Variants in RIMS4 observed in about 807,000 individuals in gnomAD.
The protein encoded by RIMS4 is regulating synaptic membrane exocytosis protein 4.
A neutral mutation model predicts 29.0 loss-of-function variants in RIMS4; 9 were observed. The ratio of observed to expected loss-of-function variants is 0.31; its 90% CI spans 0.19 to 0.54. The LOEUF (loss-of-function observed/expected upper bound fraction) is 0.54. Ranked by LOEUF, RIMS4 falls within the 20% of genes least tolerant of loss-of-function variation. RIMS4 has a pLI of 0.94. For synonymous variants in RIMS4, 130 were observed against 152.9 expected, an observed-to-expected ratio of 0.85 and a Z score of 1.10; for missense variants, 193 against 365.7, an observed-to-expected ratio of 0.53 and a Z score of 3.85.
chr20:44,802,406 T>G (rs933472611), intron 1 of RIMS4, among the ~76,000 whole-genome samples: 1 of 152,188 alleles, frequency 6.6e-6, no homozygotes, highest in Non-Finnish European at 1.5e-5. Flanking sequence ...CCTACAGTCA[T>G]ACAATTTAGA....
intron 1 of RIMS4, among the ~76,000 whole-genome samples, chr20:44,775,758 G>C (rs936047853): frequency 1.3e-5 from 2 of 152,182 alleles, no homozygotes; most frequent in African/African-American, 4.8e-5. Context: ...CCTAAGACAG[G>C]CTGGCACCCT....
intron 2 of RIMS4, 143 bp downstream of exon 2, chr20:44,771,132 G>A: frequency 2.2e-6 from 2 of 906,216 alleles, no homozygotes; most frequent in Non-Finnish European, 3.1e-6. Context: ...CCCTTCTGAA[G>A]ATGGGGGATG....
At chr20:44,768,548 C>A (rs778256413) in intron 2 of RIMS4, among the ~76,000 whole-genome samples, 6 of 152,220 alleles carry the variant, frequency 3.9e-5, no homozygotes, top group Non-Finnish European at 7.3e-5. Context: ...GACCACAGCT[C>A]AATGTCCCCA....
At chr20:44,773,240 T>C (rs948340969) in intron 1 of RIMS4, among the ~76,000 whole-genome samples, 1 of 152,100 alleles carries the variant, frequency 6.6e-6, no homozygotes, top group African/African-American at 2.4e-5. Flanking sequence ...TGGGAGAGCG[T>C]GTGTGCCCCT....
chr20:44,802,819 T>C (rs1250098974), intron 1 of RIMS4, among the ~76,000 whole-genome samples: 2 of 152,176 alleles, frequency 1.3e-5, no homozygotes, highest in African/African-American at 4.8e-5. Flanking sequence ...CCTTCTCTGA[T>C]CTTGTCTCTC....
intron 2 of RIMS4, among the ~76,000 whole-genome samples, chr20:44,761,849 T>G (rs1329854627): frequency 6.6e-6 from 1 of 152,226 alleles, no homozygotes; most frequent in Non-Finnish European, 1.5e-5. Flanking sequence ...GGTTTTTTTA[T>G]AGACAGAAAG....
intron 2 of RIMS4, among the ~76,000 whole-genome samples, chr20:44,764,255 C>CATCCATCCATCCATTTATCCATCCA (rs1325046131): frequency 6.9e-6 from 1 of 144,320 alleles, no homozygotes; most frequent in Admixed American, 7.0e-5. Context: ...TCCATCCATC[C>CATCCATCCATCCATTTATCCATCCA]TCCCACAAAC....
In RIMS4 at chr20:44,758,124, G is replaced by T. The variant is rs200539274; in HGVS notation, c.297C>A (p.Ser99Arg). The T allele has an allele frequency of 8.7e-5, 140 of 1,613,664 alleles. No individual in the cohort carries two copies. Among genetic ancestry groups the T allele is most frequent in the Non-Finnish European group, 1.1e-4 (135 of 1,179,856 alleles). Residue 99 changes from serine (S) to arginine (R), a missense_variant, in exon 3 of 6, where the codon AGC becomes AGA. Coordinates refer to ENST00000372851, the MANE Select transcript of RIMS4 (RefSeq NM_182970.4). ...SDAQFSDFLG[S>R]MGPAQFVGRQ... ...GGCCCACAAACTGTGCCGGCCCCAT[G>T]CTTCCCAGGAAGTCACTGAACTGGG...
At chr20:44,786,790 C>A (rs919593271) in intron 1 of RIMS4, among the ~76,000 whole-genome samples, 5 of 152,200 alleles carry the variant, frequency 3.3e-5, no homozygotes, top group Non-Finnish European at 7.3e-5. Flanking sequence ...AAATATTACA[C>A]AAGAGACATC....
chr20:44,801,319 T>A (rs574666783), intron 1 of RIMS4, among the ~76,000 whole-genome samples: 1 of 152,168 alleles, frequency 6.6e-6, no homozygotes, highest in East Asian at 1.9e-4. Context: ...TCTCATCACA[T>A]CAAGGTTGGT....
At position 44,810,274 on chromosome 20, in the gene RIMS4, C is replaced by A; in HGVS notation, c.-3G>T. On this transcript the variant is annotated 5_prime_UTR_variant, in exon 1 of 6. Transcript: ENST00000372851. The stretch of plus-strand genomic sequence containing the variant: ...AGGCGGCTCTGCGAGCGCTCCATGC[C>A]CGCGCCGGCGCCGGGCGCCTCGGCC... The A allele has an allele frequency of 8.4e-7, 1 of 1,189,800 alleles. No homozygotes were observed. Among genetic ancestry groups the A allele is most frequent in the South Asian group, 2.8e-5 (1 of 36,350 alleles). 73.7% of individuals were successfully genotyped at this position (1,189,800 alleles called of 1,614,324 possible). A position where few individuals can be genotyped will look rare whatever the true frequency, so the allele number is the denominator to read the frequency against.
At chr20:44,806,741 A>G (rs1461669251) in intron 1 of RIMS4, among the ~76,000 whole-genome samples, 2 of 152,180 alleles carry the variant, frequency 1.3e-5, no homozygotes. Context: ...GGTTGATTAA[A>G]AGCATAGATG....
At position 44,755,991 on chromosome 20, in the gene RIMS4, A is replaced by AG. The variant is rs1447831129; in HGVS notation, c.*142dup. On this transcript the variant is annotated 3_prime_UTR_variant, in exon 6 of 6. Transcript: ENST00000372851. ...CAAAGAAGGGGTGAGGAGGGGCCCA[A>AG]GGGGGGGCAGGTCTCCCCGTTCTGC... 10 of 679,048 alleles carry AG rather than the reference A, an allele frequency of 1.5e-5. No individual in the cohort carries two copies. Among genetic ancestry groups the AG allele is most frequent in the East Asian group, 2.6e-5 (1 of 38,826 alleles). 42.1% of individuals were successfully genotyped at this position (679,048 alleles called of 1,614,324 possible). A position where few individuals can be genotyped will look rare whatever the true frequency, so the allele number is the denominator to read the frequency against.
chr20:44,767,031 C>T (rs2066116726), intron 2 of RIMS4, among the ~76,000 whole-genome samples: 1 of 152,204 alleles, frequency 6.6e-6, no homozygotes, highest in African/African-American at 2.4e-5. Context: ...GAGAGTTCCC[C>T]ATCAGGATTG....
chr20:44,775,494 A>G (rs1240043248), intron 1 of RIMS4, among the ~76,000 whole-genome samples: 2 of 152,206 alleles, frequency 1.3e-5, no homozygotes, highest in African/African-American at 4.8e-5. Flanking sequence ...CCCCTTCATC[A>G]AAGACTAAAT....
At chr20:44,768,596 G>C (rs2066123823) in intron 2 of RIMS4, among the ~76,000 whole-genome samples, 1 of 152,296 alleles carries the variant, frequency 6.6e-6, no homozygotes, top group South Asian at 2.1e-4. Flanking sequence ...CCAGGTGTTG[G>C]GCAGGTGGCA....
intron 2 of RIMS4, among the ~76,000 whole-genome samples, chr20:44,762,968 T>G (rs1456347553): frequency 6.6e-6 from 1 of 152,258 alleles, no homozygotes; most frequent in African/African-American, 2.4e-5. Context: ...CTGGCCTTTT[T>G]GTTGGCCAGT....
At position 44,808,657 on chromosome 20, in the gene RIMS4, C is replaced by CT. The variant is rs148480462; in HGVS notation, c.97+1517dup. Among the ~76,000 whole-genome samples, 996 of 152,312 alleles carry CT rather than the reference C, an allele frequency of 6.5e-3. 8 individuals are homozygous for CT. Among genetic ancestry groups the CT allele is most frequent in the African/African-American group, 0.022 (914 of 41,558 alleles). On this transcript the variant is annotated intron_variant, in intron 1 of 5. Coordinates refer to ENST00000372851, the MANE Select transcript of RIMS4 (RefSeq NM_182970.4). ...GGTAAAATGTCTCTGCAGTAATCAT[C>CT]TTTACCCTTACCCCCATCCCCACCT...
At chr20:44,800,778 G>A (rs1322346267) in intron 1 of RIMS4, among the ~76,000 whole-genome samples, 1 of 152,110 alleles carries the variant, frequency 6.6e-6, no homozygotes, top group African/African-American at 2.4e-5. Context: ...CAAAAAGTGG[G>A]TGTAGGAGAC....
Sources: gnomAD v4.1 joint callset for allele counts (sites outside exome capture counted in the v4.1 genomes callset) on GRCh38, gnomAD v4.1.1 for gene constraint, MANE v1.5 for transcripts, NCBI Gene and HGNC (gene_info 2026-07-23, HGNC 2026-07-21) for gene names.